RCAN1: variants seen among roughly 807,000 people sequenced by gnomAD.
The protein encoded by RCAN1 is regulator of calcineurin 1.
In RCAN1, 11 loss-of-function variants were observed where a neutral mutation model predicts 22.9. The observed-to-expected ratio is 0.48, with a 90% CI of 0.30 to 0.79. RCAN1 has a LOEUF of 0.79. Ranked by LOEUF, RCAN1 falls within the 30% of genes least tolerant of loss-of-function variation. The probability of loss-of-function intolerance (pLI) is 0.06; values close to 1 mark genes in which losing one functional copy is unlikely to be tolerated. For synonymous variants in RCAN1, 136 were observed against 142.3 expected, an observed-to-expected ratio of 0.96 and a Z score of 0.32; for missense variants, 291 against 337.8, an observed-to-expected ratio of 0.86 and a Z score of 1.09.
intron 1 of RCAN1, chr21:34,525,533 T>G: frequency 1.6e-6 from 1 of 607,240 alleles, no homozygotes; most frequent in Non-Finnish European, 2.5e-6. Flanking sequence ...TGTGACCCAC[T>G]GTTTAGTTTT....
chr21:34,606,949 A>G (rs976284747), intron 1 of RCAN1, among the ~76,000 whole-genome samples: 2 of 152,236 alleles, frequency 1.3e-5, no homozygotes, highest in African/African-American at 4.8e-5. Context: ...GAAGATTAAT[A>G]ATACAGTGAT....
At chr21:34,585,106 A>G (rs764052281) in intron 1 of RCAN1, among the ~76,000 whole-genome samples, 1 of 152,250 alleles carries the variant, frequency 6.6e-6, no homozygotes, top group Non-Finnish European at 1.5e-5. Flanking sequence ...AAAAAGTTGA[A>G]TAATTTCTAA....
At chr21:34,599,458 A>G (rs1011329582) in intron 1 of RCAN1, among the ~76,000 whole-genome samples, 3 of 152,220 alleles carry the variant, frequency 2.0e-5, no homozygotes, top group Non-Finnish European at 4.4e-5. Context: ...TGGGCGACAG[A>G]GTGAGACTGT....
Position 34,570,064 on chromosome 21 carries a change from G to A in RCAN1, c.252+44696C>T, listed in dbSNP as rs74767604. Among the ~76,000 whole-genome samples, 1,120 of 152,354 alleles carry A rather than the reference G, an allele frequency of 7.4e-3. 16 individuals carry two copies. The highest frequency in any genetic ancestry group is 0.026 in the African/African-American group (1,078 of 41,592). On this transcript the variant is annotated intron_variant, in intron 1 of 3. Coordinates refer to ENST00000313806, the MANE Select transcript of RCAN1 (RefSeq NM_004414.7). Reference sequence around the variant, plus strand: ...TACAGACTAAAGTTGAAGGACAGACGGGAGGGCCCAGGCCCAAGCTCCCTG... The same window carrying A: ...TACAGACTAAAGTTGAAGGACAGACAGGAGGGCCCAGGCCCAAGCTCCCTG...
At chr21:34,520,751 A>T (rs1984450908) in intron 3 of RCAN1, among the ~76,000 whole-genome samples, 1 of 152,088 alleles carries the variant, frequency 6.6e-6, no homozygotes, top group South Asian at 2.1e-4. Context: ...CCAACATTTT[A>T]TGGTTTTCAA....
intron 1 of RCAN1, chr21:34,525,315 G>C (rs889086294): frequency 1.3e-6 from 2 of 1,533,498 alleles, no homozygotes; most frequent in Admixed American, 4.0e-5. Context: ...TGCATTCCCC[G>C]GCTTTTCTTC....
At chr21:34,540,752 C>T (rs1041909817) in intron 1 of RCAN1, among the ~76,000 whole-genome samples, 4 of 151,912 alleles carry the variant, frequency 2.6e-5, no homozygotes, top group African/African-American at 9.7e-5. Context: ...TTTGGGAGGC[C>T]GAGGTGGGCA....
intron 1 of RCAN1, among the ~76,000 whole-genome samples, chr21:34,547,091 G>A (rs1021397655): frequency 6.6e-6 from 1 of 152,142 alleles, no homozygotes. Flanking sequence ...ACAAAGGGTC[G>A]CAAACAAACT....
At chr21:34,591,472 A>T (rs1987971098) in intron 1 of RCAN1, among the ~76,000 whole-genome samples, 1 of 152,166 alleles carries the variant, frequency 6.6e-6, no homozygotes, top group Non-Finnish European at 1.5e-5. Context: ...CTGGGGGGGA[A>T]CACGATGTAT....
chr21:34,574,597 A>T (rs935985476), intron 1 of RCAN1, among the ~76,000 whole-genome samples: 1 of 152,242 alleles, frequency 6.6e-6, no homozygotes, highest in African/African-American at 2.4e-5. Context: ...GAGAAGATAC[A>T]AGAACTTGAG....
chr21:34,574,336 G>T lies in RCAN1; in HGVS notation c.252+40424C>A, dbSNP rs896347845. Among the ~76,000 whole-genome samples, 80 of 152,328 alleles carry T rather than the reference G, an allele frequency of 5.3e-4. 1 individual carries two copies. The highest frequency in any genetic ancestry group is 1.8e-3 in the African/African-American group (75 of 41,578). ...TAAGCTATCAATCAAGCGTGAGGGT[G>T]AGATACTACGTATATTTTCAAGAAA... On this transcript the variant is annotated intron_variant, in intron 1 of 3. Transcript: ENST00000313806.
intron 1 of RCAN1, among the ~76,000 whole-genome samples, chr21:34,533,250 GCGC>G (rs1985510453): frequency 6.6e-6 from 1 of 152,138 alleles, no homozygotes; most frequent in Admixed American, 6.5e-5. Context: ...GTGAGCCACC[GCGC>G]CAGGCCCAAA....
intron 1 of RCAN1, among the ~76,000 whole-genome samples, chr21:34,554,035 G>A (rs186744442): frequency 7.0e-4 from 106 of 152,284 alleles, no homozygotes; most frequent in Non-Finnish European, 1.4e-3. Flanking sequence ...GCATTTTAAG[G>A]AAGATAAATG....
chr21:34,574,408 A>T, intron 1 of RCAN1, among the ~76,000 whole-genome samples: 1 of 152,194 alleles, frequency 6.6e-6, no homozygotes, highest in Non-Finnish European at 1.5e-5. Context: ...GAAAATATAA[A>T]TGTAGTCCAG....
chr21:34,583,787 G>A (rs533354870), intron 1 of RCAN1, among the ~76,000 whole-genome samples: 6 of 152,244 alleles, frequency 3.9e-5, no homozygotes, highest in African/African-American at 1.2e-4. Flanking sequence ...GCTTTGAATT[G>A]CTATGAGTTG....
At chr21:34,575,590 A>G (rs1006140008) in intron 1 of RCAN1, among the ~76,000 whole-genome samples, 2 of 152,122 alleles carry the variant, frequency 1.3e-5, no homozygotes, top group Non-Finnish European at 2.9e-5. Flanking sequence ...TGTTACGATC[A>G]TGGCTCACTG....
intron 1 of RCAN1, among the ~76,000 whole-genome samples, chr21:34,532,230 T>TG (rs990853237): frequency 6.6e-6 from 1 of 151,462 alleles, no homozygotes; most frequent in Non-Finnish European, 1.5e-5. Flanking sequence ...ATATTAAGGG[T>TG]GGGGGGGTTC....
chr21:34,606,624 G>A (rs1200818140), intron 1 of RCAN1, among the ~76,000 whole-genome samples: 1 of 152,178 alleles, frequency 6.6e-6, no homozygotes, highest in Non-Finnish European at 1.5e-5. Flanking sequence ...AATCCCCAGT[G>A]TGGCTTTATT....
chr21:34,612,078 C>T (rs1208123620), intron 1 of RCAN1, among the ~76,000 whole-genome samples: 2 of 152,188 alleles, frequency 1.3e-5, no homozygotes, highest in Non-Finnish European at 2.9e-5. Context: ...GGAGGCTCTG[C>T]CCCTTTCTCC....
Sources: allele counts gnomAD v4.1 joint callset (sites outside exome capture counted in the v4.1 genomes callset), GRCh38; gene constraint gnomAD v4.1.1; transcripts MANE v1.5; gene names NCBI Gene and HGNC (gene_info 2026-07-23, HGNC 2026-07-21).